FNDC8: variants seen among roughly 807,000 people sequenced by gnomAD.
FNDC8 encodes fibronectin type III domain-containing protein 8.
FNDC8 carries 23 observed loss-of-function variants against 24.8 expected under a neutral mutation model. The ratio of observed to expected loss-of-function variants is 0.93; its 90% CI spans 0.67 to 1.31. FNDC8 has a LOEUF of 1.31. Ranked by LOEUF, FNDC8 falls within the 40% of genes most tolerant of loss-of-function variation. FNDC8 has a pLI of 0.00. For missense variants in FNDC8, 371 were observed against 398.2 expected (o/e 0.93, Z 0.58); for synonymous variants, 158 against 165.3 (o/e 0.96, Z 0.34).
chr17:35,125,954 T>TC (rs2091847628), intron 1 of FNDC8, among the ~76,000 whole-genome samples: 1 of 152,212 alleles, frequency 6.6e-6, no homozygotes, highest in Admixed American at 6.5e-5. Context: ...AGGGTCTCAC[T>TC]CTGTTGCCCA....
In FNDC8 at chr17:35,121,777, T is replaced by G. The variant is rs1184444143; in HGVS notation, c.84T>G (p.Leu28=). 1.2e-6 allele frequency: 2 copies of G among 1,613,734 alleles called. No individual in the cohort carries two copies. Among genetic ancestry groups the G allele is most frequent in the East Asian group, 2.2e-5 (1 of 44,834 alleles). Residue 28 remains leucine (L), a synonymous_variant, in exon 1 of 4, where the codon CTT becomes CTG. Transcript: ENST00000158009. The stretch of plus-strand genomic sequence containing the variant: ...AAAACTTCAACATGATGAATGCCCT[T>G]GACCAACTGCCAAAACCCTTTTCAA... ...KKENFNMMNA[L]DQLPKPFSNP...
intron 1 of FNDC8, among the ~76,000 whole-genome samples, chr17:35,124,042 G>A (rs949503505): frequency 3.9e-5 from 6 of 152,208 alleles, no homozygotes; most frequent in Non-Finnish European, 5.9e-5. Context: ...TCCACCAAGC[G>A]CTAGCATAGG....
intron 1 of FNDC8, among the ~76,000 whole-genome samples, chr17:35,123,866 TG>T (rs770226417): frequency 1.8e-4 from 27 of 152,254 alleles, no homozygotes; most frequent in Non-Finnish European, 3.8e-4. Flanking sequence ...ATGTTCAGCA[TG>T]TAGCCAGTGC....
At chr17:35,126,651 A>G (rs998670621) in intron 1 of FNDC8, among the ~76,000 whole-genome samples, 10 of 151,830 alleles carry the variant, frequency 6.6e-5, no homozygotes, top group East Asian at 5.8e-4. Context: ...TACAGGTGCC[A>G]ACCACCGCAC....
chr17:35,129,823 G>A (rs781677608), intron 3 of FNDC8, 165 bp downstream of exon 3: 2 of 1,435,238 alleles, frequency 1.4e-6, no homozygotes, highest in Admixed American at 2.8e-5. Context: ...GCTTCTGGGA[G>A]GTTTAAGGAT....
rs546690008 is a variant in FNDC8, at chr17:35,124,103, C to T, written c.209+2201C>T. On this transcript the variant is annotated intron_variant, in intron 1 of 3. Coordinates refer to ENST00000158009, the MANE Select transcript of FNDC8 (RefSeq NM_017559.4). ...AGGAGGAGGCTGATGAGGCTGGAAC[C>T]TGGGGAGGAAAAACTTGGCCCGTTC... is the stretch of plus-strand genomic sequence containing the variant. 2.6e-5 allele frequency among the ~76,000 whole-genome samples: 4 copies of T among 152,242 alleles called. No individual in the cohort carries two copies. The South Asian group carries it at 6.2e-4, about 24-fold the overall frequency.
intron 2 of FNDC8, among the ~76,000 whole-genome samples, chr17:35,128,579 T>C (rs2091858525): frequency 6.6e-6 from 1 of 152,172 alleles, no homozygotes; most frequent in South Asian, 2.1e-4. Context: ...GATGGACCAG[T>C]CACTTGCCCT....
chr17:35,125,150 CAAT>C (rs1184834089), intron 1 of FNDC8, among the ~76,000 whole-genome samples: 1 of 151,588 alleles, frequency 6.6e-6, no homozygotes, highest in Non-Finnish European at 1.5e-5. Context: ...CATCTCATAA[CAAT>C]ACAAATATCC....
rs752648192 is a variant in FNDC8 at position 35,127,301 on chromosome 17, GA to G, written c.470del (p.Asp157AlafsTer39). 5.0e-6 allele frequency: 8 copies of G among 1,614,078 alleles called. No homozygotes were observed. In the South Asian group the frequency reaches 8.8e-5, roughly 18 times the overall value. On this transcript the variant is annotated frameshift_variant, in exon 2 of 4. Coordinates refer to ENST00000158009, the MANE Select transcript of FNDC8 (RefSeq NM_017559.4). LOFTEE classifies it high-confidence loss of function. ...QMATRGLLDL[D>X]NPELETETSS... ...GGCCACAAGGGGCCTGCTGGACCTT[GA>G]CAACCCTGAGCTGGAGACAGAAACC...
chr17:35,126,497 CTTT>C (rs71147459), intron 1 of FNDC8, among the ~76,000 whole-genome samples: 4 of 112,038 alleles, frequency 3.6e-5, no homozygotes, highest in Admixed American at 1.9e-4. Context: ...ATTTTCTAAG[CTTT>C]TTTTTTTTTT....
At chr17:35,122,749 ACT>A (rs1167520981) in intron 1 of FNDC8, among the ~76,000 whole-genome samples, 1 of 151,310 alleles carries the variant, frequency 6.6e-6, no homozygotes, top group African/African-American at 2.4e-5. Flanking sequence ...ATTCCACAAA[ACT>A]CTTTGAGCAC....
At chr17:35,124,906 G>T (rs1308216327) in intron 1 of FNDC8, among the ~76,000 whole-genome samples, 1 of 151,966 alleles carries the variant, frequency 6.6e-6, no homozygotes, top group Admixed American at 6.6e-5. Flanking sequence ...AAATTGGGCA[G>T]ATGTGGCAGT....
In FNDC8 at chr17:35,130,423, T is replaced by C; in HGVS notation, c.964T>C (p.Phe322Leu). Reference sequence around the variant, plus strand: ...GAGGCTGGAGGATCTGGAATACCTATTTCCCTGTTAAGGGGGAGGGCCCCA... The same window carrying C: ...GAGGCTGGAGGATCTGGAATACCTACTTCCCTGTTAAGGGGGAGGGCCCCA... Reference protein sequence around the residue: ...MRRLEDLEYLFPC With the variant: ...MRRLEDLEYLLPC Residue 322 changes from phenylalanine to leucine, a missense_variant, in exon 4 of 4, where the codon TTT (phenylalanine) becomes CTT (leucine). Transcript: ENST00000158009. 1 of 1,613,838 alleles carries C rather than the reference T, an allele frequency of 6.2e-7. No homozygotes were observed. The highest frequency in any genetic ancestry group is 1.3e-5 in the African/African-American group (1 of 75,016).
Position 35,121,655 on chromosome 17 carries a change from T to G in FNDC8, c.-39T>G. 6.2e-7 allele frequency: 1 copy of G among 1,602,388 alleles called. No homozygotes were observed. The highest frequency in any genetic ancestry group is 8.5e-7 in the Non-Finnish European group (1 of 1,169,878). On this transcript the variant is annotated 5_prime_UTR_variant, in exon 1 of 4. Coordinates refer to ENST00000158009, the MANE Select transcript of FNDC8 (RefSeq NM_017559.4). ...TCTCTCTGCTTCTGGTCAGCTGGGT[T>G]GTCCTGCATGGTGACGGGTGTCATC...
chr17:35,121,744 G>A lies in FNDC8; in HGVS notation c.51G>A (p.Leu17=). 2 of 1,613,886 alleles carry A rather than the reference G, an allele frequency of 1.2e-6. No individual in the cohort carries two copies. The highest frequency in any genetic ancestry group is 1.7e-6 in the Non-Finnish European group (2 of 1,179,896). The change falls in exon 1 of 4, where the codon CTG becomes CTA. Residue 17 remains leucine, a synonymous_variant. Coordinates refer to ENST00000158009, the MANE Select transcript of FNDC8 (RefSeq NM_017559.4). ...TGGGAGATGGGGAGGAGGCTGTACT[G>A]AAGAAAGAAAACTTCAACATGATGA... ...HQVGDGEEAV[L]KKENFNMMNA...
intron 1 of FNDC8, among the ~76,000 whole-genome samples, chr17:35,123,461 G>A (rs992118879): frequency 1.3e-5 from 2 of 152,212 alleles, no homozygotes; most frequent in African/African-American, 4.8e-5. Context: ...TCGGAGGCCA[G>A]ATGGGGTAGC....
chr17:35,129,483 A>T lies in FNDC8; in HGVS notation c.647A>T (p.Glu216Val). 6.2e-7 allele frequency: 1 copy of T among 1,614,188 alleles called. No homozygotes were observed. Among genetic ancestry groups the T allele is most frequent in the Non-Finnish European group, 8.5e-7 (1 of 1,180,026 alleles). Residue 216 changes from glutamate to valine, a missense_variant, in exon 3 of 4, where the codon GAG (glutamate) becomes GTG (valine). Transcript: ENST00000158009. ...PVSFYQLLLQ[E>V]VAKTQENELP... ...AGTTTCTACCAGCTCCTGTTACAGG[A>T]GGTGGCCAAGACACAGGAGAATGAG...
chr17:35,121,940 TCCC>T lies in FNDC8; in HGVS notation c.209+39_209+41del, dbSNP rs2091827062. On this transcript the variant is annotated intron_variant, in intron 1 of 3. Coordinates refer to ENST00000158009, the MANE Select transcript of FNDC8 (RefSeq NM_017559.4). ...TCTGGTCCCTCCCTCCCTCCCTCCC[TCCC>T]TCCCTTCCTTCCTCCCTTCCTTCCT... The T allele has an allele frequency of 2.5e-6, 3 of 1,184,732 alleles. No individual in the cohort carries two copies. The African/African-American group carries it at 8.8e-5, about 35-fold the overall frequency. The allele number at this position is 1,184,732 out of a possible 1,614,324, so 73.4% of individuals were successfully genotyped here. A position where few individuals can be genotyped will look rare whatever the true frequency, so the allele number is the denominator to read the frequency against.
intron 2 of FNDC8, among the ~76,000 whole-genome samples, chr17:35,128,007 A>G (rs1402764778): frequency 6.6e-6 from 1 of 152,254 alleles, no homozygotes; most frequent in East Asian, 1.9e-4. Context: ...ACCGTCCTAC[A>G]CTATGGGAAG....
Sources: gnomAD v4.1 joint callset for allele counts (sites outside exome capture counted in the v4.1 genomes callset) on GRCh38, gnomAD v4.1.1 for gene constraint, MANE v1.5 for transcripts, NCBI Gene and HGNC (gene_info 2026-07-23, HGNC 2026-07-21) for gene names.